Variants in DGKB observed in about 807,000 individuals in gnomAD.
DGKB encodes diacylglycerol kinase beta.
Under a neutral mutation model 114.3 loss-of-function variants are expected in DGKB, and 67 were observed. The observed-to-expected ratio is 0.59, with a 90% confidence interval of 0.48 to 0.72. The LOEUF (loss-of-function observed/expected upper bound fraction) is 0.72. Ranked by LOEUF, DGKB falls within the 30% of genes least tolerant of loss-of-function variation. The pLI, the probability that DGKB is intolerant of heterozygous loss-of-function variation, is 0.00. For missense variants in DGKB, 907 were observed against 975.2 expected (o/e 0.93, Z 0.93); for synonymous variants, 398 against 323.1 (o/e 1.23, Z -2.49).
intron 2 of DGKB, among the ~76,000 whole-genome samples, chr7:14,768,106 A>G (rs1385829755): frequency 6.6e-6 from 1 of 151,988 alleles, no homozygotes; most frequent in Admixed American, 6.6e-5. Flanking sequence ...AAGGAATATT[A>G]TTTGCTCACA....
chr7:14,714,640 G>C (rs1013543735), intron 6 of DGKB, among the ~76,000 whole-genome samples: 20 of 152,074 alleles, frequency 1.3e-4, no homozygotes, highest in African/African-American at 4.6e-4. Context: ...ACATTATCTG[G>C]ATTAATTTTT....
intron 23 of DGKB, among the ~76,000 whole-genome samples, chr7:14,259,503 T>G (rs1049919282): frequency 6.6e-6 from 1 of 151,216 alleles, no homozygotes; most frequent in Admixed American, 6.6e-5. Context: ...CTCGGCTCAC[T>G]GCAACTTCTG....
intron 21 of DGKB, among the ~76,000 whole-genome samples, chr7:14,374,637 C>G (rs775965024): frequency 4.6e-5 from 7 of 152,110 alleles, no homozygotes; most frequent in Non-Finnish European, 7.4e-5. Flanking sequence ...TCTTAACAAC[C>G]CTTTGGTATG....
At chr7:14,641,803 T>A (rs1020076019) in intron 13 of DGKB, among the ~76,000 whole-genome samples, 1 of 151,994 alleles carries the variant, frequency 6.6e-6, no homozygotes, top group African/African-American at 2.4e-5. Flanking sequence ...AGCATTTTTT[T>A]ATTACTCTTC....
At chr7:14,176,641 G>GC in intron 25 of DGKB, 198 bp downstream of exon 25, 2 of 1,314,660 alleles carry the variant, frequency 1.5e-6, no homozygotes, top group Non-Finnish European at 1.9e-6. Flanking sequence ...ACATTCAAGA[G>GC]CTAAATCATT....
intron 17 of DGKB, among the ~76,000 whole-genome samples, chr7:14,589,074 A>G (rs1801248173): frequency 6.6e-6 from 1 of 152,018 alleles, no homozygotes; most frequent in South Asian, 2.1e-4. Context: ...CCTTCAACAA[A>G]GATATAAATT....
intron 2 of DGKB, among the ~76,000 whole-genome samples, chr7:14,820,042 G>C (rs893471354): frequency 6.6e-6 from 1 of 152,062 alleles, no homozygotes; most frequent in African/African-American, 2.4e-5. Context: ...AGAAGGTAAA[G>C]AAAAGAGAGG....
intron 23 of DGKB, among the ~76,000 whole-genome samples, chr7:14,331,672 T>C (rs1275561289): frequency 2.0e-5 from 3 of 152,116 alleles, no homozygotes; most frequent in African/African-American, 4.8e-5. Context: ...AGTGAGCTCT[T>C]CCAAAACTCA....
chr7:14,910,833 T>G (rs946909893), intron 1 of DGKB, among the ~76,000 whole-genome samples: 1 of 152,194 alleles, frequency 6.6e-6, no homozygotes, highest in Non-Finnish European at 1.5e-5. Flanking sequence ...GTTAGTTGAT[T>G]AATCTATGTT....
At chr7:14,826,231 C>T (rs1211351740) in intron 2 of DGKB, among the ~76,000 whole-genome samples, 1 of 152,108 alleles carries the variant, frequency 6.6e-6, no homozygotes. Flanking sequence ...TTCGTGGAAG[C>T]TTCTGCCTAT....
In DGKB at chr7:14,492,099, A is replaced by T. The variant is rs533698230; in HGVS notation, c.1771-13874T>A. ...CAGAGATAAAAGTGTTTTGTTTATA[A>T]TGTAATATAAAAATTAAAATCTATT... On this transcript the variant is annotated intron_variant, in intron 20 of 25. Transcript: ENST00000402815. Among the ~76,000 whole-genome samples the T allele has an allele frequency of 2.1e-4, 32 of 152,256 alleles. 1 individual carries two copies. In the South Asian group the frequency reaches 2.3e-3, roughly 11 times the overall value.
At chr7:14,345,089 T>C (rs1812259694) in intron 22 of DGKB, among the ~76,000 whole-genome samples, 3 of 150,830 alleles carry the variant, frequency 2.0e-5, no homozygotes, top group African/African-American at 4.9e-5. Context: ...TCTTTTATAC[T>C]ATAATAAAAT....
At chr7:14,471,580 G>A (rs1781404704) in intron 21 of DGKB, among the ~76,000 whole-genome samples, 1 of 150,898 alleles carries the variant, frequency 6.6e-6, no homozygotes, top group East Asian at 2.0e-4. Flanking sequence ...CAGTGCTCAG[G>A]GATTTATGTT....
intron 1 of DGKB, among the ~76,000 whole-genome samples, chr7:14,936,759 G>A (rs527568649): frequency 6.6e-6 from 1 of 152,130 alleles, no homozygotes; most frequent in South Asian, 2.1e-4. Flanking sequence ...TCATCCTGCT[G>A]CGTTGTTTCT....
intron 23 of DGKB, among the ~76,000 whole-genome samples, chr7:14,189,127 A>C (rs973298737): frequency 6.6e-6 from 1 of 152,224 alleles, no homozygotes; most frequent in African/African-American, 2.4e-5. Context: ...TAATTAATCA[A>C]ATTCCTAATA....
intron 23 of DGKB, among the ~76,000 whole-genome samples, chr7:14,311,175 T>C (rs1216746975): frequency 1.3e-5 from 2 of 152,104 alleles, no homozygotes; most frequent in Admixed American, 6.6e-5. Context: ...TCCTTTGATA[T>C]CCAAACTGAT....
At chr7:14,596,016 T>A (rs1563628272) in intron 17 of DGKB, among the ~76,000 whole-genome samples, 1 of 152,150 alleles carries the variant, frequency 6.6e-6, no homozygotes, top group Non-Finnish European at 1.5e-5. Context: ...TTTGAATTCA[T>A]GATATACATT....
intron 1 of DGKB, among the ~76,000 whole-genome samples, chr7:14,913,778 T>C (rs750812853): frequency 5.9e-5 from 9 of 151,986 alleles, no homozygotes; most frequent in Non-Finnish European, 8.8e-5. Flanking sequence ...CTCCAACATA[T>C]AAAGGGCATG....
intron 1 of DGKB, among the ~76,000 whole-genome samples, chr7:14,888,683 TC>T (rs1453564383): frequency 6.6e-6 from 1 of 151,748 alleles, no homozygotes; most frequent in Non-Finnish European, 1.5e-5. Flanking sequence ...CTTCAAAGTT[TC>T]CCTTGGTTCT....
Sources: allele counts gnomAD v4.1 joint callset (sites outside exome capture counted in the v4.1 genomes callset), GRCh38; gene constraint gnomAD v4.1.1; transcripts MANE v1.5; gene names NCBI Gene and HGNC (gene_info 2026-07-23, HGNC 2026-07-21).